The following EFR3B variants were observed in gnomAD, a reference collection of about 807,000 sequenced individuals.
EFR3B encodes EFR3 homolog B.
In EFR3B, 64 loss-of-function variants were observed where a neutral mutation model predicts 104.7. The ratio of observed to expected loss-of-function variants is 0.61; its 90% CI spans 0.50 to 0.75. The LOEUF (loss-of-function observed/expected upper bound fraction) is 0.75, where lower values mean the gene tolerates loss of function less well. Among genes scored for constraint, EFR3B ranks in the 30% least tolerant of loss-of-function variants. EFR3B has a pLI of 0.00. For synonymous variants in EFR3B, 385 were observed against 417.9 expected (o/e 0.92, Z 0.96); for missense variants, 750 against 1,078.5 (o/e 0.70, Z 4.27).
Position 25,151,210 on chromosome 2 carries a change from T to C in EFR3B, c.2192-704T>C, listed in dbSNP as rs182700452. ...CTGCCCTGCCACACGTGTTTCATGT[T>C]GGCTTTTGTGGTCTGTGTGGCTTTA... is the stretch of plus-strand genomic sequence containing the variant. On this transcript the variant is annotated intron_variant, in intron 20 of 22. Transcript: ENST00000403714. Among the ~76,000 whole-genome samples, 714 of 152,254 alleles carry C rather than the reference T, an allele frequency of 4.7e-3. 4 individuals carry two copies. Among genetic ancestry groups the C allele is most frequent in the Middle Eastern group, 6.8e-3 (2 of 294 alleles).
chr2:25,133,466 C>T (rs2149206563), intron 12 of EFR3B, 32 bp downstream of exon 12: 1 of 1,549,534 alleles, frequency 6.5e-7, no homozygotes, highest in Non-Finnish European at 8.7e-7. Context: ...TCCTGCTCTT[C>T]CTCTGCAGGA....
intron 1 of EFR3B, among the ~76,000 whole-genome samples, chr2:25,045,378 G>A (rs948637645): frequency 2.0e-5 from 3 of 152,208 alleles, no homozygotes; most frequent in Non-Finnish European, 2.9e-5. Context: ...TCCTATGAAG[G>A]CAGACTGACA....
intron 1 of EFR3B, among the ~76,000 whole-genome samples, chr2:25,050,368 G>C (rs1667832086): frequency 6.6e-6 from 1 of 152,132 alleles, no homozygotes; most frequent in African/African-American, 2.4e-5. Flanking sequence ...GAGCAAGAAA[G>C]CTTTGGACCA....
chr2:25,138,506 GA>G (rs1670580201), intron 15 of EFR3B, among the ~76,000 whole-genome samples: 2 of 152,208 alleles, frequency 1.3e-5, no homozygotes, highest in Non-Finnish European at 2.9e-5. Flanking sequence ...GCAAGCCTGG[GA>G]ATTCAGTGAC....
chr2:25,091,028 C>T (rs939412048), intron 1 of EFR3B, among the ~76,000 whole-genome samples: 3 of 152,220 alleles, frequency 2.0e-5, no homozygotes, highest in Non-Finnish European at 2.9e-5. Flanking sequence ...CACGAAGCCT[C>T]ACCCCTCAAA....
intron 16 of EFR3B, among the ~76,000 whole-genome samples, 167 bp downstream of exon 16, chr2:25,139,357 G>C (rs1305762642): frequency 2.6e-5 from 4 of 151,954 alleles, no homozygotes; most frequent in Non-Finnish European, 5.9e-5. Flanking sequence ...TTTCCCTCCT[G>C]TATGACTTGA....
intron 1 of EFR3B, among the ~76,000 whole-genome samples, chr2:25,050,205 A>G (rs1306002848): frequency 1.3e-5 from 2 of 151,960 alleles, no homozygotes; most frequent in African/African-American, 4.8e-5. Flanking sequence ...AGTGGGAGCC[A>G]TTGATGGTTT....
At chr2:25,145,506 C>A in intron 19 of EFR3B, 1 of 185,082 alleles carries the variant, frequency 5.4e-6, no homozygotes, top group Non-Finnish European at 1.1e-5. Context: ...CCTGGGAGGT[C>A]AAGGCTGCTG....
At chr2:25,047,993 T>C (rs1667767582) in intron 1 of EFR3B, among the ~76,000 whole-genome samples, 1 of 152,160 alleles carries the variant, frequency 6.6e-6, no homozygotes, top group Non-Finnish European at 1.5e-5. Flanking sequence ...TATCTTTCTT[T>C]CCATGTGTTT....
intron 1 of EFR3B, among the ~76,000 whole-genome samples, chr2:25,065,306 G>C (rs1301700043): frequency 1.3e-5 from 2 of 150,152 alleles, no homozygotes; most frequent in East Asian, 2.0e-4. Context: ...TCAGCCTCCC[G>C]AGCAGCTGGG....
intron 4 of EFR3B, among the ~76,000 whole-genome samples, chr2:25,108,679 A>G (rs1393841192): frequency 6.6e-6 from 1 of 152,200 alleles, no homozygotes; most frequent in African/African-American, 2.4e-5. Context: ...TATAGAAACA[A>G]CATAGATAAA....
At position 25,131,849 on chromosome 2, in the gene EFR3B, G is replaced by A; in HGVS notation, c.1085G>A (p.Gly362Asp). 6.5e-7 allele frequency: 1 copy of A among 1,549,562 alleles called. No individual in the cohort carries two copies. The highest frequency in any genetic ancestry group is 8.7e-7 in the Non-Finnish European group (1 of 1,146,382). ...AGCTACGACGGGGCGGTCAGCCTCGGCACCAAGATCATCAAGGAGCACGAG... is the reference window on the plus strand; with the variant it reads ...AGCTACGACGGGGCGGTCAGCCTCGACACCAAGATCATCAAGGAGCACGAG... ...TGSYDGAVSL[G>D]TKIIKEHEER... Residue 362 changes from glycine (G) to aspartate (D), a missense_variant, in exon 10 of 23, where the codon GGC (glycine) becomes GAC (aspartate). Gly to Asp is a moderately conservative substitution (Grantham distance 94). Transcript: ENST00000403714. This position sits in a 1 kb window ranked among gnomAD's most constrained non-coding sequence, Gnocchi z 7.6.
chr2:25,091,878 G>A (rs570270479), intron 2 of EFR3B, among the ~76,000 whole-genome samples: 19 of 152,182 alleles, frequency 1.2e-4, no homozygotes, highest in Non-Finnish European at 2.2e-4. Context: ...CCTCCAAGCC[G>A]CCTCTCCACC....
At chr2:25,149,414 G>A (rs928475585) in intron 19 of EFR3B, among the ~76,000 whole-genome samples, 4 of 152,192 alleles carry the variant, frequency 2.6e-5, no homozygotes, top group Non-Finnish European at 5.9e-5. Context: ...ACAGGCTTGG[G>A]GAGGGAGCAG....
chr2:25,096,983 G>A (rs1374392146), intron 3 of EFR3B, among the ~76,000 whole-genome samples: 1 of 152,134 alleles, frequency 6.6e-6, no homozygotes, highest in African/African-American at 2.4e-5. Flanking sequence ...TATATTAAGG[G>A]CCTTGACATA....
chr2:25,070,650 A>G (rs951465962), intron 1 of EFR3B, among the ~76,000 whole-genome samples: 3 of 152,230 alleles, frequency 2.0e-5, no homozygotes, highest in African/African-American at 7.2e-5. Context: ...ACAGCAGGTG[A>G]CATCCTTTCT....
At chr2:25,125,328 T>C (rs951277937) in intron 5 of EFR3B, among the ~76,000 whole-genome samples, 3 of 152,238 alleles carry the variant, frequency 2.0e-5, no homozygotes, top group Non-Finnish European at 2.9e-5. Context: ...CCAGGCCCAC[T>C]TGGACGGGAC....
intron 20 of EFR3B, among the ~76,000 whole-genome samples, chr2:25,150,300 C>CAAAAAAA: frequency 1.6e-5 from 1 of 62,830 alleles, no homozygotes; most frequent in Non-Finnish European, 3.7e-5. Flanking sequence ...ACTCCCATCT[C>CAAAAAAA]AAAAAAAAAA....
Position 25,086,932 on chromosome 2 carries a change from A to T in EFR3B, c.8-4393A>T, listed in dbSNP as rs145563369. On this transcript the variant is annotated intron_variant, in intron 1 of 22. Coordinates refer to ENST00000403714, the MANE Select transcript of EFR3B (RefSeq NM_014971.2). ...GTTATTTTCTTATTGTTTAGTTTTA[A>T]GTGTTTGTATTAGTCCATTCTCATG... Among the ~76,000 whole-genome samples, 828 of 152,246 alleles carry T rather than the reference A, an allele frequency of 5.4e-3. 4 individuals are homozygous for T. The highest frequency in any genetic ancestry group is 0.018 in the African/African-American group (767 of 41,550).
Sources: gnomAD v4.1 joint callset for allele counts (sites outside exome capture counted in the v4.1 genomes callset) on GRCh38, gnomAD v4.1.1 for gene constraint, Gnocchi (gnomAD v3.1) non-coding constraint, MANE v1.5 for transcripts, NCBI Gene and HGNC (gene_info 2026-07-23, HGNC 2026-07-21) for gene names.